WDR75: variants seen among roughly 807,000 people sequenced by gnomAD.
The protein encoded by WDR75 is WD repeat domain 75, also known as WD repeat-containing protein 75.
In WDR75, 52 loss-of-function variants were observed where a neutral mutation model predicts 106.1. The observed-to-expected ratio is 0.49, with a 90% CI of 0.39 to 0.62. The LOEUF is 0.62. Among genes scored for constraint, WDR75 ranks in the 20% least tolerant of loss-of-function variants. The probability of loss-of-function intolerance (pLI) is 0.00; values close to 1 mark genes in which losing one functional copy is unlikely to be tolerated. For missense variants in WDR75, 905 were observed against 970.3 expected, an observed-to-expected ratio of 0.93 and a Z score of 0.89; for synonymous variants, 333 against 335.5, an observed-to-expected ratio of 0.99 and a Z score of 0.08.
intron 1 of WDR75, 89 bp from the exon 2 acceptor site, chr2:189,448,290 T>G: frequency 1.0e-5 from 14 of 1,400,212 alleles, no homozygotes; most frequent in Non-Finnish European, 1.3e-5. Flanking sequence ...TCAAGACCAC[T>G]GAAACAATGA....
chr2:189,474,632 A>C, intron 19 of WDR75, 85 bp from the exon 20 acceptor site: 1 of 1,180,482 alleles, frequency 8.5e-7, no homozygotes, highest in Non-Finnish European at 1.2e-6. Flanking sequence ...TTACAATAAA[A>C]GGGACTCCGT....
intron 2 of WDR75, 43 bp from the exon 3 acceptor site, chr2:189,450,860 T>G (rs1006974732): frequency 1.3e-6 from 2 of 1,594,894 alleles, no homozygotes; most frequent in Non-Finnish European, 8.5e-7. Context: ...TCTTGATGAA[T>G]TTCTTTTTTT....
chr2:189,467,291 C>G (rs922106441), intron 13 of WDR75, among the ~76,000 whole-genome samples, 177 bp from the exon 14 acceptor site: 2 of 152,126 alleles, frequency 1.3e-5, no homozygotes, highest in Admixed American at 6.6e-5. Flanking sequence ...GTCTGCCTTT[C>G]TCTCTCTTTC....
At chr2:189,457,257 A>G (rs1686758939) in intron 5 of WDR75, 54 bp from the exon 6 acceptor site, 9 of 1,301,984 alleles carry the variant, frequency 6.9e-6, no homozygotes, top group Non-Finnish European at 9.8e-6. Context: ...AAAAAGAAAA[A>G]AAAAAGAGTG....
intron 1 of WDR75, among the ~76,000 whole-genome samples, chr2:189,446,375 G>C (rs896054047): frequency 1.3e-5 from 2 of 152,192 alleles, no homozygotes; most frequent in African/African-American, 2.4e-5. Flanking sequence ...GCCCAGGCTG[G>C]AGATGTTAAG....
At chr2:189,452,129 T>G (rs185788593) in intron 4 of WDR75, 14 of 391,886 alleles carry the variant, frequency 3.6e-5, no homozygotes, top group Admixed American at 8.8e-5. Flanking sequence ...AGACCTCAAA[T>G]TTTAAATCTG....
intron 15 of WDR75, 82 bp downstream of exon 15, chr2:189,468,651 A>G: frequency 7.3e-7 from 1 of 1,368,234 alleles, no homozygotes. Flanking sequence ...GGACTTAGGG[A>G]TCATATCATC....
intron 9 of WDR75, among the ~76,000 whole-genome samples, chr2:189,463,218 A>G (rs1280212945): frequency 6.6e-6 from 1 of 150,734 alleles, no homozygotes; most frequent in Non-Finnish European, 1.5e-5. Flanking sequence ...TTTATTAGAT[A>G]TACTCTATAG....
At chr2:189,445,570 T>C (rs980381855) in intron 1 of WDR75, among the ~76,000 whole-genome samples, 2 of 152,154 alleles carry the variant, frequency 1.3e-5, no homozygotes, top group East Asian at 3.9e-4. Context: ...TGAGAAGATA[T>C]GACAACTAAG....
intron 20 of WDR75, 115 bp from the exon 21 acceptor site, chr2:189,475,098 T>G (rs954771217): frequency 1.2e-6 from 1 of 851,066 alleles, no homozygotes; most frequent in Non-Finnish European, 1.8e-6. Context: ...GTGTACTTAG[T>G]AACAAAATTC....
intron 8 of WDR75, among the ~76,000 whole-genome samples, chr2:189,460,639 G>A (rs1686860034): frequency 7.5e-6 from 1 of 133,206 alleles, no homozygotes. Flanking sequence ...TAAGTAGCTG[G>A]GACTACAGGC....
intron 2 of WDR75, chr2:189,450,599 C>G: frequency 8.7e-7 from 1 of 1,143,276 alleles, no homozygotes; most frequent in Non-Finnish European, 1.1e-6. Context: ...TTACAGGTGG[C>G]AGCCACTGCA....
rs148868206 is a variant in WDR75, at chr2:189,449,360, C to G, written c.216+852C>G. On this transcript the variant is annotated intron_variant, in intron 2 of 20. Coordinates refer to ENST00000314761, the MANE Select transcript of WDR75 (RefSeq NM_032168.3). ...CTTTCCAAAATTAAATGAGCTACTT[C>G]TAAAAATCAAAGTTAAGTAACTTTT... The G allele has an allele frequency of 1.7e-3, 2,196 of 1,292,974 alleles. 25 individuals are homozygous for G. In the African/African-American group the frequency reaches 0.028, roughly 16 times the overall value. The allele number at this position is 1,292,974 out of a possible 1,614,324, so 80.1% of individuals were successfully genotyped here. A position where few individuals can be genotyped will look rare whatever the true frequency, so the allele number is the denominator to read the frequency against.
At chr2:189,451,993 A>G in intron 4 of WDR75, 98 bp downstream of exon 4, 1 of 894,896 alleles carries the variant, frequency 1.1e-6, no homozygotes, top group Non-Finnish European at 1.7e-6. Flanking sequence ...TGAAGCCAAC[A>G]GTTTTTAGAA....
In WDR75 at chr2:189,448,442, A is replaced by G; in HGVS notation, c.150A>G (p.Val50=). ...KVYSTVTEEC[V]HILHGHRNLV... is the part of the protein sequence containing the mutation. ...ACAGCACAGTTACAGAAGAGTGTGT[A>G]CACATACTGCATGGACACAGAAATC... The change falls in exon 2 of 21, where the codon GTA becomes GTG. Residue 50 remains valine (V), a synonymous_variant. Transcript: ENST00000314761. 1.2e-6 allele frequency: 2 copies of G among 1,613,950 alleles called. No homozygotes were observed. Among genetic ancestry groups the G allele is most frequent in the Non-Finnish European group, 1.7e-6 (2 of 1,179,838 alleles).
At position 189,468,535 on chromosome 2, in the gene WDR75, C is replaced by A. The variant is rs1392113972; in HGVS notation, c.1689C>A (p.Gly563=). 13 of 1,613,152 alleles carry A rather than the reference C, an allele frequency of 8.1e-6. No individual in the cohort carries two copies. The highest frequency in any genetic ancestry group is 1.1e-5 in the Non-Finnish European group (13 of 1,179,414). The change falls in exon 15 of 21, where the codon GGC becomes GGA. Residue 563 remains glycine, a synonymous_variant. Transcript: ENST00000314761. The part of the protein sequence containing the change: ...SKYLLGATEN[G]ILCCWNLLSC... Reference sequence around the variant, plus strand: ...ATCTACTTGGTGCTACTGAAAATGGCATTCTTTGCTGTTGGAATCTGCTGA... The same window carrying A: ...ATCTACTTGGTGCTACTGAAAATGGAATTCTTTGCTGTTGGAATCTGCTGA...
intron 4 of WDR75, among the ~76,000 whole-genome samples, chr2:189,454,946 G>T (rs1262799327): frequency 6.6e-6 from 1 of 152,070 alleles, no homozygotes; most frequent in Non-Finnish European, 1.5e-5. Context: ...CTAGAGTACT[G>T]ATTAGCAGTT....
intron 20 of WDR75, 28 bp from the exon 21 acceptor site, chr2:189,475,185 T>C (rs923818001): frequency 6.6e-7 from 1 of 1,515,344 alleles, no homozygotes; most frequent in Non-Finnish European, 9.0e-7. Context: ...TTTAATAGTG[T>C]TTATATTTTA....
intron 14 of WDR75, among the ~76,000 whole-genome samples, chr2:189,468,017 G>A (rs1687039306): frequency 6.6e-6 from 1 of 152,158 alleles, no homozygotes; most frequent in South Asian, 2.1e-4. Flanking sequence ...GGGGAAAGTA[G>A]CAGCAGCATT....
Sources: allele counts gnomAD v4.1 joint callset (sites outside exome capture counted in the v4.1 genomes callset), GRCh38; gene constraint gnomAD v4.1.1; transcripts MANE v1.5; gene names NCBI Gene and HGNC (gene_info 2026-07-23, HGNC 2026-07-21).